AKAP6: variants seen among roughly 807,000 people sequenced by gnomAD.
AKAP6 encodes the protein A-kinase anchor protein 6.
Under a neutral mutation model 188.5 loss-of-function variants are expected in AKAP6, and 58 were observed. The ratio of observed to expected loss-of-function variants is 0.31; its 90% CI spans 0.25 to 0.38. AKAP6 has a LOEUF of 0.38. Ranked by LOEUF, AKAP6 falls within the 10% of genes least tolerant of loss-of-function variation. The pLI, the probability that AKAP6 is intolerant of heterozygous loss-of-function variation, is 1.00. For missense variants in AKAP6, 2,710 were observed against 2,740.0 expected, an observed-to-expected ratio of 0.99 and a Z score of 0.24; for synonymous variants, 989 against 998.6, an observed-to-expected ratio of 0.99 and a Z score of 0.18.
chr14:32,809,204 A>G (rs923220686), intron 12 of AKAP6, among the ~76,000 whole-genome samples: 2 of 152,236 alleles, frequency 1.3e-5, no homozygotes, highest in African/African-American at 4.8e-5. Flanking sequence ...AGACAGAGAC[A>G]ACAGCTAGAA....
At chr14:32,400,563 C>CAAAAAAAAAAAAA (rs71432051) in intron 1 of AKAP6, among the ~76,000 whole-genome samples, 3,317 of 73,898 alleles carry the variant, frequency 0.045, 1,048 homozygotes, top group East Asian at 0.094. Flanking sequence ...CCACTTTTAG[C>CAAAAAAAAAAAAA]AAAAAAAAAA....
chr14:32,399,508 G>A (rs1380024064), intron 1 of AKAP6, among the ~76,000 whole-genome samples: 2 of 152,160 alleles, frequency 1.3e-5, no homozygotes, highest in Non-Finnish European at 2.9e-5. Flanking sequence ...ATCTTTTCAT[G>A]TCTTTGTAGG....
Position 32,520,341 on chromosome 14 carries a change from A to C in AKAP6, c.325-15213A>C, listed in dbSNP as rs182897642. Reference sequence around the variant, plus strand: ...AGCTAGCAGAAGGCAAGAATTAACTAAGATCAGAGCAGAACTGAAGGAGAT... The same window carrying C: ...AGCTAGCAGAAGGCAAGAATTAACTCAGATCAGAGCAGAACTGAAGGAGAT... On this transcript the variant is annotated intron_variant, in intron 2 of 13. Coordinates refer to ENST00000280979, the MANE Select transcript of AKAP6 (RefSeq NM_004274.5). Among the ~76,000 whole-genome samples, 511 of 152,332 alleles carry C rather than the reference A, an allele frequency of 3.4e-3. 6 individuals carry two copies. The highest frequency in any genetic ancestry group is 0.012 in the African/African-American group (487 of 41,586).
intron 2 of AKAP6, among the ~76,000 whole-genome samples, chr14:32,492,199 C>T (rs1341033577): frequency 6.6e-6 from 1 of 151,872 alleles, no homozygotes; most frequent in Non-Finnish European, 1.5e-5. Flanking sequence ...CTCTCTCTTA[C>T]TTGGCCTTTA....
At chr14:32,648,443 G>C (rs1009609331) in intron 7 of AKAP6, among the ~76,000 whole-genome samples, 14 of 152,040 alleles carry the variant, frequency 9.2e-5, no homozygotes, top group Non-Finnish European at 1.5e-5. Context: ...CTCTTGGTAA[G>C]CACCTTAAGC....
At chr14:32,510,443 T>TAC (rs1881174366) in intron 2 of AKAP6, among the ~76,000 whole-genome samples, 6 of 76,796 alleles carry the variant, frequency 7.8e-5, no homozygotes, top group African/African-American at 3.3e-4. Context: ...TATGTGTATA[T>TAC]ATATATACAT....
At chr14:32,427,642 T>C (rs1566496631) in intron 1 of AKAP6, among the ~76,000 whole-genome samples, 1 of 152,202 alleles carries the variant, frequency 6.6e-6, no homozygotes, top group African/African-American at 2.4e-5. Flanking sequence ...CCTGGAATCA[T>C]ATACAGGGTA....
chr14:32,777,979 C>T (rs1383124280), intron 12 of AKAP6, among the ~76,000 whole-genome samples: 2 of 152,126 alleles, frequency 1.3e-5, no homozygotes, highest in African/African-American at 4.8e-5. Context: ...GTTGTGGCTG[C>T]AGTGAGCTGT....
intron 1 of AKAP6, among the ~76,000 whole-genome samples, chr14:32,397,068 A>G (rs1422529592): frequency 1.3e-5 from 2 of 152,192 alleles, no homozygotes; most frequent in African/African-American, 4.8e-5. Flanking sequence ...ATTGAAACAC[A>G]AATTTCTGGG....
At chr14:32,773,590 T>C (rs2032961393) in intron 11 of AKAP6, 88 bp from the exon 12 acceptor site, 1 of 1,267,626 alleles carries the variant, frequency 7.9e-7, no homozygotes, top group African/African-American at 1.5e-5. Flanking sequence ...ATCACTACAA[T>C]TTGAAATTAT....
At chr14:32,688,385 C>T (rs989085518) in intron 8 of AKAP6, among the ~76,000 whole-genome samples, 11 of 151,854 alleles carry the variant, frequency 7.2e-5, no homozygotes, top group African/African-American at 2.4e-4. Context: ...TCTGAGTCAA[C>T]TTACAAAAAT....
intron 4 of AKAP6, among the ~76,000 whole-genome samples, chr14:32,571,653 A>G (rs1884494491): frequency 6.6e-6 from 1 of 152,210 alleles, no homozygotes; most frequent in African/African-American, 2.4e-5. Context: ...CATCATGCCT[A>G]ATTTCTCTGT....
Position 32,545,284 on chromosome 14 carries a change from T to A in AKAP6, c.631T>A (p.Cys211Ser). ...VDDSGQLTIK[C>S]SQNYLSLDCG... ...TGACTCAGGACAATTAACCATCAAA[T>A]GTTCTCAAAATTACTTGTCTCTGGA... is the stretch of plus-strand genomic sequence containing the variant. Residue 211 changes from cysteine to serine, a missense_variant, in exon 4 of 14, where the codon TGT becomes AGT. Physicochemically the swap from Cys to Ser is moderately radical, Grantham distance 112 (BLOSUM62 -1). Transcript: ENST00000280979. 6.2e-7 allele frequency: 1 copy of A among 1,614,186 alleles called. No individual in the cohort carries two copies. Among genetic ancestry groups the A allele is most frequent in the Middle Eastern group, 1.6e-4 (1 of 6,062 alleles).
At chr14:32,357,201 A>C (rs1456924512) in intron 1 of AKAP6, among the ~76,000 whole-genome samples, 1 of 152,228 alleles carries the variant, frequency 6.6e-6, no homozygotes, top group African/African-American at 2.4e-5. Flanking sequence ...TATTTGTTTT[A>C]AGGATAAGAG....
At chr14:32,659,641 G>A (rs1320587166) in intron 7 of AKAP6, among the ~76,000 whole-genome samples, 6 of 152,064 alleles carry the variant, frequency 3.9e-5, no homozygotes, top group Non-Finnish European at 8.8e-5. Context: ...CATTCCCACT[G>A]GGCCTTTGGA....
At chr14:32,490,597 C>T (rs1440062508) in intron 2 of AKAP6, among the ~76,000 whole-genome samples, 2 of 151,998 alleles carry the variant, frequency 1.3e-5, no homozygotes, top group African/African-American at 4.8e-5. Context: ...AAATTTTTAC[C>T]AGGGCCTCTC....
rs1883211774 is a variant in AKAP6, at chr14:32,546,629, G to A, written c.1976G>A (p.Arg659Lys). The change falls in exon 4 of 14, where the codon AGA becomes AAA. Residue 659 changes from arginine (R) to lysine (K), a missense_variant. Physicochemically the swap from Arg to Lys is conservative, Grantham distance 26. Around this residue, in one of 2 missense-constraint regions of AKAP6, gnomAD observed 2,473 missense variants for 2,426.1 expected, o/e 1.02. Transcript: ENST00000280979. ...NLTKLLPQKPRGETIQNIDDW... is the reference protein window; with the variant it reads ...NLTKLLPQKPKGETIQNIDDW... ...ACAAAGCTTCTGCCTCAGAAACCCA[G>A]AGGAGAAACCATCCAGAATATTGAT... 6.2e-7 allele frequency: 1 copy of A among 1,614,030 alleles called. No homozygotes were observed. The highest frequency in any genetic ancestry group is 8.5e-7 in the Non-Finnish European group (1 of 1,180,022).
intron 2 of AKAP6, among the ~76,000 whole-genome samples, chr14:32,485,664 GT>G (rs142054754): frequency 0.67 from 102,042 of 151,770 alleles, 35,770 homozygotes; most frequent in East Asian, 0.89. Context: ...GGGGTTGTTT[GT>G]TTTTTTTCTT....
chr14:32,678,635 T>A (rs755962714), intron 8 of AKAP6, among the ~76,000 whole-genome samples, 176 bp downstream of exon 8: 5 of 152,232 alleles, frequency 3.3e-5, no homozygotes, highest in Non-Finnish European at 5.9e-5. Flanking sequence ...GTGGATTTCA[T>A]CAGCCTCTGC....
Sources: gnomAD v4.1 joint callset for allele counts (sites outside exome capture counted in the v4.1 genomes callset) on GRCh38, gnomAD v4.1.1 for gene constraint, gnomAD v4.1.1 regional missense constraint, MANE v1.5 for transcripts, NCBI Gene and HGNC (gene_info 2026-07-23, HGNC 2026-07-21) for gene names.